The following POLN variants were observed in gnomAD, a reference collection of about 807,000 sequenced individuals.
POLN encodes DNA polymerase nu.
POLN carries 108 observed loss-of-function variants against 113.5 expected under a neutral mutation model. The observed-to-expected ratio is 0.95, with a 90% confidence interval of 0.81 to 1.12. The LOEUF is 1.12. POLN is among the 50% of genes most tolerant of loss of function. POLN has a pLI of 0.00. For synonymous variants in POLN, 386 were observed against 391.5 expected (o/e 0.99, Z 0.17); for missense variants, 1,097 against 1,077.1 (o/e 1.02, Z -0.26).
chr4:2,188,228 G>A (rs1245076889), intron 7 of POLN, among the ~76,000 whole-genome samples: 1 of 152,068 alleles, frequency 6.6e-6, no homozygotes, highest in Non-Finnish European at 1.5e-5. Context: ...TAAAGCCCCA[G>A]ACAAACAAAA....
intron 19 of POLN, among the ~76,000 whole-genome samples, chr4:2,114,205 T>C (rs1008172207): frequency 1.9e-4 from 29 of 152,038 alleles, no homozygotes; most frequent in African/African-American, 6.5e-4. Flanking sequence ...AGCCTGCTAA[T>C]AGTCTTTTGA....
intron 2 of POLN, among the ~76,000 whole-genome samples, chr4:2,232,551 TTC>T (rs1308545628): frequency 4.6e-5 from 7 of 152,210 alleles, no homozygotes; most frequent in African/African-American, 1.7e-4. Flanking sequence ...TTTTAGCCTA[TTC>T]TCTGTTTATT....
In POLN at chr4:2,131,408, T is replaced by C; in HGVS notation, c.1732-118A>G. The C allele has an allele frequency of 3.0e-6, 2 of 659,748 alleles. 1 individual carries two copies. Among genetic ancestry groups the C allele is most frequent in the South Asian group, 3.9e-5 (2 of 51,634 alleles). The allele number at this position is 659,748 out of a possible 1,614,324, so 40.9% of individuals were successfully genotyped here. A position where few individuals can be genotyped will look rare whatever the true frequency, so the allele number is the denominator to read the frequency against. ...TTAAAACAAGTAAGCCAATGTAACA[T>C]GCATAAGCACATTAATACTTAATAC... On this transcript the variant is annotated intron_variant, in intron 16 of 25. Transcript: ENST00000511885.
chr4:2,197,520 T>C (rs956747824), intron 6 of POLN, among the ~76,000 whole-genome samples: 2 of 152,200 alleles, frequency 1.3e-5, no homozygotes, highest in Non-Finnish European at 2.9e-5. Flanking sequence ...GAGTTCAGTT[T>C]GGACATGTTT....
chr4:2,233,079 A>G (rs1439195920), intron 2 of POLN, among the ~76,000 whole-genome samples: 1 of 152,224 alleles, frequency 6.6e-6, no homozygotes. Flanking sequence ...AAGAATGACT[A>G]CTTAAGACCT....
Position 2,075,526 on chromosome 4 carries a change from G to A in POLN, c.2388-7C>T. 6.2e-7 allele frequency: 1 copy of A among 1,613,094 alleles called. No homozygotes were observed. The highest frequency in any genetic ancestry group is 1.1e-5 in the South Asian group (1 of 91,078). ...ATGGATCTGGGCCACCAGCCTGGCAGGGAGGGAAGGAGTCACCCTGGGAGG... is the reference window on the plus strand; with the variant it reads ...ATGGATCTGGGCCACCAGCCTGGCAAGGAGGGAAGGAGTCACCCTGGGAGG... On this transcript the variant is annotated splice_polypyrimidine_tract_variant and splice_region_variant and intron_variant, in intron 23 of 25. Coordinates refer to ENST00000511885, the MANE Select transcript of POLN (RefSeq NM_181808.4).
chr4:2,072,392 C>G (rs903452707), intron 25 of POLN, 93 bp from the exon 26 acceptor site: 1 of 1,023,024 alleles, frequency 9.8e-7, no homozygotes, highest in East Asian at 2.6e-5. Flanking sequence ...GCCTACAGCA[C>G]ACAGGTGCAC....
intron 19 of POLN, among the ~76,000 whole-genome samples, chr4:2,109,208 C>T (rs1450079296): frequency 6.6e-6 from 1 of 152,110 alleles, no homozygotes; most frequent in Admixed American, 6.5e-5. Flanking sequence ...ACAAAAGGAA[C>T]CTCTGAAGCA....
intron 2 of POLN, chr4:2,239,942 C>T (rs1462005270): frequency 2.0e-5 from 18 of 895,114 alleles, no homozygotes; most frequent in Non-Finnish European, 2.8e-5. Context: ...AATCTCTTCT[C>T]AGATGCACCA....
chr4:2,126,043 A>G lies in POLN; in HGVS notation c.1982+2070T>C, dbSNP rs981029893. 2.0e-5 allele frequency among the ~76,000 whole-genome samples: 3 copies of G among 152,172 alleles called. No individual in the cohort carries two copies. The highest frequency in any genetic ancestry group is 4.4e-5 in the Non-Finnish European group (3 of 68,016). On this transcript the variant is annotated intron_variant, in intron 19 of 25. Transcript: ENST00000511885. This position sits in a 1 kb window ranked among gnomAD's most constrained non-coding sequence, Gnocchi z 4.6. ...GGACAGAGGACAGGAGAGAACGACA[A>G]GAGGATGCCCTGCATACTGGGTGGG...
chr4:2,189,220 C>CACAG (rs112020880), intron 7 of POLN, among the ~76,000 whole-genome samples: 5 of 151,888 alleles, frequency 3.3e-5, no homozygotes, highest in Non-Finnish European at 5.9e-5. Context: ...AATTAAAAGA[C>CACAG]ATAGAATAGC....
At chr4:2,163,990 G>A (rs369358399) in intron 13 of POLN, among the ~76,000 whole-genome samples, 2 of 152,156 alleles carry the variant, frequency 1.3e-5, no homozygotes, top group East Asian at 1.9e-4. Context: ...AGTAGTGGCT[G>A]TATCTATTTG....
At chr4:2,173,453 T>G (rs1180890877) in intron 11 of POLN, among the ~76,000 whole-genome samples, 1 of 152,006 alleles carries the variant, frequency 6.6e-6, no homozygotes, top group Non-Finnish European at 1.5e-5. Context: ...CTGAATTTAT[T>G]TCTTTTATTT....
chr4:2,224,285 G>C (rs1220367766), intron 3 of POLN, among the ~76,000 whole-genome samples: 1 of 152,260 alleles, frequency 6.6e-6, no homozygotes, highest in South Asian at 2.1e-4. Context: ...GGTCTTCAGA[G>C]GCACTAATAC....
chr4:2,081,796 G>A, intron 21 of POLN, 53 bp from the exon 22 acceptor site: 2 of 1,510,976 alleles, frequency 1.3e-6, no homozygotes, highest in South Asian at 1.1e-5. Flanking sequence ...CACCACAGCA[G>A]GTGCAGCTCC....
chr4:2,074,680 C>G (rs960636468), intron 24 of POLN, among the ~76,000 whole-genome samples: 1 of 152,100 alleles, frequency 6.6e-6, no homozygotes, highest in Non-Finnish European at 1.5e-5. Context: ...GACCACCACT[C>G]GAGAGTTGGT....
Position 2,173,936 on chromosome 4 carries a change from A to G in POLN, c.1374+19T>C, listed in dbSNP as rs372087430. ...AGGAAAGAGATGGCCAGTACAAACC[A>G]TCTGGAATAATAACTTACCCCAAGA... On this transcript the variant is annotated intron_variant, in intron 11 of 25. Coordinates refer to ENST00000511885, the MANE Select transcript of POLN (RefSeq NM_181808.4). 9.0e-5 allele frequency: 145 copies of G among 1,611,624 alleles called. No individual in the cohort carries two copies. The highest frequency in any genetic ancestry group is 1.2e-4 in the Admixed American group (7 of 60,006).
At chr4:2,171,686 T>A (rs1732865452) in intron 11 of POLN, among the ~76,000 whole-genome samples, 1 of 151,938 alleles carries the variant, frequency 6.6e-6, no homozygotes, top group Admixed American at 6.6e-5. Flanking sequence ...ACACCGGTGA[T>A]CCCAGCACTT....
At chr4:2,172,756 T>G (rs1732895555) in intron 11 of POLN, among the ~76,000 whole-genome samples, 1 of 152,142 alleles carries the variant, frequency 6.6e-6, no homozygotes, top group Non-Finnish European at 1.5e-5. Flanking sequence ...CCATTGGGCA[T>G]TATTGAATAA....
Sources: gnomAD v4.1 joint callset for allele counts (sites outside exome capture counted in the v4.1 genomes callset) on GRCh38, gnomAD v4.1.1 for gene constraint, Gnocchi (gnomAD v3.1) non-coding constraint, MANE v1.5 for transcripts, NCBI Gene and HGNC (gene_info 2026-07-23, HGNC 2026-07-21) for gene names.